The following MTDH variants were observed in gnomAD, a reference collection of about 807,000 sequenced individuals.
The protein encoded by MTDH is metadherin, also known as protein LYRIC.
Under a neutral mutation model 72.7 loss-of-function variants are expected in MTDH, and 34 were observed. That is an observed-to-expected ratio of 0.47 (90% CI 0.36 to 0.62). The LOEUF is 0.62. MTDH is among the 20% of genes least tolerant of loss of function. The pLI is 0.00. For missense variants in MTDH, 677 were observed against 699.4 expected, an observed-to-expected ratio of 0.97 and a Z score of 0.36; for synonymous variants, 266 against 268.9, an observed-to-expected ratio of 0.99 and a Z score of 0.10.
Position 97,722,889 on chromosome 8 carries a change from C to T in MTDH, c.1532C>T (p.Thr511Ile), listed in dbSNP as rs1329787424. 4 of 1,609,778 alleles carry T rather than the reference C, an allele frequency of 2.5e-6. No homozygotes were observed. The highest frequency in any genetic ancestry group is 3.4e-6 in the Non-Finnish European group (4 of 1,178,838). ...TTTTTCCTAAAATAGCCTATCAAGA[C>T]TCTTCCACCTGCTACTTCTACCGAG... ...VLVKNSQPIK[T>I]LPPATSTEPS... Residue 511 changes from threonine (T) to isoleucine (I), a missense_variant, in exon 11 of 12, where the codon ACT becomes ATT. Around this residue, in one of 3 missense-constraint regions of MTDH, gnomAD observed 201 missense variants for 204.5 expected, o/e 0.98. Coordinates refer to ENST00000336273, the MANE Select transcript of MTDH (RefSeq NM_178812.4).
intron 8 of MTDH, among the ~76,000 whole-genome samples, chr8:97,710,302 A>G (rs560017642): frequency 2.0e-4 from 30 of 152,330 alleles, no homozygotes; most frequent in Admixed American, 1.6e-3. Flanking sequence ...TCCTGTAAAG[A>G]TAGTCTAGGA....
chr8:97,708,342 C>T (rs2131053045), intron 8 of MTDH, among the ~76,000 whole-genome samples: 1 of 131,956 alleles, frequency 7.6e-6, no homozygotes, highest in Non-Finnish European at 1.5e-5. Context: ...AGTGCAGTGG[C>T]ACGATCTCAG....
At chr8:97,707,948 G>C (rs1285902779) in intron 8 of MTDH, among the ~76,000 whole-genome samples, 1 of 151,292 alleles carries the variant, frequency 6.6e-6, no homozygotes, top group Non-Finnish European at 1.5e-5. Context: ...CCTTTAACAA[G>C]TGGATGGATT....
chr8:97,646,621 T>C (rs922296779), intron 1 of MTDH, among the ~76,000 whole-genome samples: 1 of 152,214 alleles, frequency 6.6e-6, no homozygotes, highest in Non-Finnish European at 1.5e-5. Flanking sequence ...CGACATGCGT[T>C]ATAACACTCA....
Position 97,725,860 on chromosome 8 carries a change from T to C in MTDH, c.*1190T>C, listed in dbSNP as rs1341035320. 2 of 152,608 alleles carry C rather than the reference T, an allele frequency of 1.3e-5. No homozygotes were observed. The highest frequency in any genetic ancestry group is 2.9e-5 in the Non-Finnish European group (2 of 68,034). The allele number at this position is 152,608 out of a possible 1,614,324, so 9.5% of individuals were successfully genotyped here. ...AAACTGGCAGGTATCTTTGTAACTA[T>C]AAATAGTGCATGCTCAGCCATGTAC... On this transcript the variant is annotated 3_prime_UTR_variant, in exon 12 of 12. Transcript: ENST00000336273.
intron 8 of MTDH, among the ~76,000 whole-genome samples, chr8:97,707,152 CTTT>C: frequency 7.6e-6 from 1 of 131,174 alleles, no homozygotes; most frequent in East Asian, 2.2e-4. Flanking sequence ...GTCTTTTTTT[CTTT>C]TTTTTTTTTT....
In MTDH at chr8:97,682,087, A is replaced by G. The variant is rs531434257; in HGVS notation, c.484-4581A>G. On this transcript the variant is annotated intron_variant, in intron 2 of 11. Coordinates refer to ENST00000336273, the MANE Select transcript of MTDH (RefSeq NM_178812.4). ...AGCTTCCTTCAAAAGTCTTAGCTAAAGTGGAGCTGCTAAGAAGTAAGATGT... is the reference window on the plus strand; with the variant it reads ...AGCTTCCTTCAAAAGTCTTAGCTAAGGTGGAGCTGCTAAGAAGTAAGATGT... Among the ~76,000 whole-genome samples, 10 of 151,444 alleles carry G rather than the reference A, an allele frequency of 6.6e-5. No homozygotes were observed. The South Asian group carries it at 2.1e-3, about 32-fold the overall frequency.
chr8:97,658,567 C>T (rs902285162), intron 1 of MTDH, among the ~76,000 whole-genome samples: 2 of 152,134 alleles, frequency 1.3e-5, no homozygotes, highest in African/African-American at 4.8e-5. Context: ...AAATAAATCC[C>T]AATGACTCAG....
At chr8:97,672,523 A>G (rs369191945) in intron 2 of MTDH, among the ~76,000 whole-genome samples, 10 of 152,208 alleles carry the variant, frequency 6.6e-5, no homozygotes, top group Non-Finnish European at 1.5e-4. Flanking sequence ...TTTCTGTAAA[A>G]AAGAATACCA....
intron 7 of MTDH, among the ~76,000 whole-genome samples, chr8:97,704,857 GTAAA>G (rs1383528316): frequency 1.7e-4 from 26 of 152,214 alleles, no homozygotes; most frequent in African/African-American, 6.3e-4. Context: ...CTAGCAGAAA[GTAAA>G]TAGGAGTACT....
chr8:97,706,470 C>T (rs1586269990), intron 7 of MTDH, 156 bp from the exon 8 acceptor site: 1 of 523,430 alleles, frequency 1.9e-6, no homozygotes, highest in Non-Finnish European at 3.0e-6. Context: ...AGATTGTTAC[C>T]TTCATGTTAT....
At chr8:97,694,828 C>T (rs893676637) in intron 6 of MTDH, among the ~76,000 whole-genome samples, 6 of 151,762 alleles carry the variant, frequency 4.0e-5, no homozygotes, top group Admixed American at 2.0e-4. Flanking sequence ...GAGGCCGAGA[C>T]GGGACAATTG....
chr8:97,682,744 C>T (rs1813186923), intron 2 of MTDH, among the ~76,000 whole-genome samples: 1 of 150,638 alleles, frequency 6.6e-6, no homozygotes, highest in South Asian at 2.1e-4. Context: ...TCAAAGTCTC[C>T]CTTCTTAAAA....
chr8:97,697,150 AT>A lies in MTDH; in HGVS notation c.1049-2594del, dbSNP rs59102217. On this transcript the variant is annotated intron_variant, in intron 6 of 11. Coordinates refer to ENST00000336273, the MANE Select transcript of MTDH (RefSeq NM_178812.4). Reference sequence around the variant, plus strand: ...AAAAAATATATATATATATATATATATTTTTTTTTTGTGGACCCAGTTTACT... The same window carrying A: ...AAAAAATATATATATATATATATATATTTTTTTTTGTGGACCCAGTTTACT... 3.2e-4 allele frequency among the ~76,000 whole-genome samples: 22 copies of A among 68,798 alleles called. 3 individuals are homozygous for A. Among genetic ancestry groups the A allele is most frequent in the African/African-American group, 1.5e-3 (16 of 10,978 alleles). 45.1% of individuals were successfully genotyped at this position (68,798 alleles called of 152,430 possible).
intron 7 of MTDH, among the ~76,000 whole-genome samples, chr8:97,701,662 T>C (rs890640977): frequency 6.6e-6 from 1 of 152,162 alleles, no homozygotes; most frequent in African/African-American, 2.4e-5. Context: ...ATTATAACAA[T>C]GATAGGAGTG....
At chr8:97,652,319 C>T (rs780668315) in intron 1 of MTDH, among the ~76,000 whole-genome samples, 1 of 152,206 alleles carries the variant, frequency 6.6e-6, no homozygotes, top group Non-Finnish European at 1.5e-5. Flanking sequence ...AACCCAGCGC[C>T]TTTACATGAG....
intron 1 of MTDH, among the ~76,000 whole-genome samples, chr8:97,646,219 C>T (rs1406123769): frequency 6.6e-6 from 1 of 151,978 alleles, no homozygotes; most frequent in Non-Finnish European, 1.5e-5. Flanking sequence ...TGTGACAGGT[C>T]ACAGTTAGTG....
chr8:97,682,660 G>A (rs899793465), intron 2 of MTDH, among the ~76,000 whole-genome samples: 1 of 151,852 alleles, frequency 6.6e-6, no homozygotes, highest in South Asian at 2.1e-4. Context: ...CCTAATCTAA[G>A]ATAATCTTTT....
rs144011318 is a variant in MTDH, at chr8:97,693,988, T to C, written c.1048+2800T>C. The stretch of plus-strand genomic sequence containing the variant: ...CCTCGGCTTCTCACAGTGCTGGGAT[T>C]ACAGATGTGGGCCACCACATCTGCC... On this transcript the variant is annotated intron_variant, in intron 6 of 11. Transcript: ENST00000336273. Among the ~76,000 whole-genome samples, 413 of 152,274 alleles carry C rather than the reference T, an allele frequency of 2.7e-3. 2 individuals carry two copies. Among genetic ancestry groups the C allele is most frequent in the African/African-American group, 9.4e-3 (390 of 41,564 alleles).
Sources: gnomAD v4.1 joint callset for allele counts (sites outside exome capture counted in the v4.1 genomes callset) on GRCh38, gnomAD v4.1.1 for gene constraint, gnomAD v4.1.1 regional missense constraint, MANE v1.5 for transcripts, NCBI Gene and HGNC (gene_info 2026-07-23, HGNC 2026-07-21) for gene names.